Variants in SCFD2 observed in about 807,000 individuals in gnomAD.
SCFD2 encodes the protein sec1 family domain containing 2.
In SCFD2, 54 loss-of-function variants were observed where a neutral mutation model predicts 58.9. The observed-to-expected ratio is 0.92, with a 90% confidence interval of 0.74 to 1.15. The LOEUF (loss-of-function observed/expected upper bound fraction) is 1.15, where lower values mean the gene tolerates loss of function less well. SCFD2 is among the 50% of genes most tolerant of loss of function. The probability of loss-of-function intolerance (pLI) is 0.00; values close to 1 mark genes in which losing one functional copy is unlikely to be tolerated. For synonymous variants in SCFD2, 321 were observed against 335.9 expected, an observed-to-expected ratio of 0.96 and a Z score of 0.49; for missense variants, 805 against 836.6, an observed-to-expected ratio of 0.96 and a Z score of 0.47.
chr4:53,007,044 G>T (rs2148804084), intron 5 of SCFD2, among the ~76,000 whole-genome samples: 1 of 152,116 alleles, frequency 6.6e-6, no homozygotes, highest in East Asian at 1.9e-4. Flanking sequence ...ACTTTGGGAG[G>T]CCGAAGTGGG....
At chr4:53,149,941 A>G (rs906762097) in intron 4 of SCFD2, among the ~76,000 whole-genome samples, 7 of 152,236 alleles carry the variant, frequency 4.6e-5, no homozygotes, top group African/African-American at 1.7e-4. Context: ...CCTAACTACT[A>G]AATGTAATTG....
chr4:53,219,490 C>T (rs2148993453), intron 4 of SCFD2, among the ~76,000 whole-genome samples: 1 of 152,292 alleles, frequency 6.6e-6, no homozygotes, highest in Non-Finnish European at 1.5e-5. Context: ...TGGAAAAGCA[C>T]AGTATTACGG....
chr4:52,981,094 A>C (rs1413089743), intron 5 of SCFD2, among the ~76,000 whole-genome samples: 2 of 152,174 alleles, frequency 1.3e-5, no homozygotes, highest in Admixed American at 1.3e-4. Context: ...CTAATTATTT[A>C]TTATCTGCTA....
intron 5 of SCFD2, among the ~76,000 whole-genome samples, chr4:53,087,256 A>G (rs1353337549): frequency 2.0e-5 from 3 of 152,252 alleles, no homozygotes; most frequent in Non-Finnish European, 4.4e-5. Flanking sequence ...TTAGCAAAAC[A>G]CTAAAACATA....
chr4:53,210,332 A>G (rs1728569323), intron 4 of SCFD2, among the ~76,000 whole-genome samples: 1 of 152,120 alleles, frequency 6.6e-6, no homozygotes, highest in Non-Finnish European at 1.5e-5. Context: ...ATAGTTCTCA[A>G]ACTGTGGTCA....
At chr4:52,962,046 T>C (rs901700639) in intron 5 of SCFD2, among the ~76,000 whole-genome samples, 2 of 152,258 alleles carry the variant, frequency 1.3e-5, no homozygotes, top group East Asian at 3.8e-4. Context: ...ATTGAGAGGA[T>C]AGTGGTTCCA....
intron 3 of SCFD2, among the ~76,000 whole-genome samples, chr4:53,288,247 G>A (rs1198050430): frequency 6.6e-6 from 1 of 152,094 alleles, no homozygotes; most frequent in African/African-American, 2.4e-5. Context: ...AAGCCTGTGG[G>A]ACTTATAGAG....
intron 2 of SCFD2, among the ~76,000 whole-genome samples, chr4:53,323,387 T>G (rs546571180): frequency 8.5e-5 from 13 of 152,282 alleles, no homozygotes; most frequent in East Asian, 1.9e-4. Context: ...TGTTGTTGTT[T>G]TTTTGGGACA....
Position 53,365,777 on chromosome 4 carries a change from G to T in SCFD2, c.165C>A (p.His55Gln). 1.2e-6 allele frequency: 2 copies of T among 1,613,934 alleles called. No individual in the cohort carries two copies. The highest frequency in any genetic ancestry group is 1.7e-6 in the Non-Finnish European group (2 of 1,179,940). The change falls in exon 1 of 9, where the codon CAC (histidine) becomes CAA (glutamine). Residue 55 changes from histidine (H) to glutamine (Q), a missense_variant. Around this residue, in one of 3 missense-constraint regions of SCFD2, gnomAD observed 155 missense variants for 149.7 expected, o/e 1.04. Coordinates refer to ENST00000401642, the MANE Select transcript of SCFD2 (RefSeq NM_152540.4). The surrounding 1 kb of genome is among the most constrained non-coding windows in gnomAD (Gnocchi z 4.3). ...TTGCGTCGGGCTCGAACTCTCGCAG[G>T]TGACAGTCAGGACCCCCCACCGCCT... ...LLEAVGGPDCHLREFEPDAIG... is the reference protein window; with the variant it reads ...LLEAVGGPDCQLREFEPDAIG...
intron 4 of SCFD2, among the ~76,000 whole-genome samples, chr4:53,224,431 G>A (rs547826879): frequency 1.1e-4 from 17 of 149,864 alleles, no homozygotes; most frequent in African/African-American, 3.9e-4. Flanking sequence ...GCCAGTTCCC[G>A]CAGAACAATT....
chr4:53,006,439 G>A (rs1428176181), intron 5 of SCFD2, among the ~76,000 whole-genome samples: 1 of 152,188 alleles, frequency 6.6e-6, no homozygotes, highest in Non-Finnish European at 1.5e-5. Flanking sequence ...ATTGCCAATA[G>A]CAGCTATCTT....
intron 4 of SCFD2, among the ~76,000 whole-genome samples, chr4:53,235,629 A>G (rs1729575389): frequency 6.6e-6 from 1 of 152,240 alleles, no homozygotes; most frequent in African/African-American, 2.4e-5. Context: ...GAAGCCCACA[A>G]TTGAGTTTTG....
chr4:53,269,508 G>T (rs562531884), intron 4 of SCFD2, among the ~76,000 whole-genome samples: 98 of 152,156 alleles, frequency 6.4e-4, no homozygotes, highest in African/African-American at 2.2e-3. Context: ...AAGAATTGAA[G>T]AAATTATAGT....
intron 5 of SCFD2, among the ~76,000 whole-genome samples, chr4:53,089,506 T>G (rs1282936083): frequency 6.6e-6 from 1 of 152,196 alleles, no homozygotes; most frequent in Non-Finnish European, 1.5e-5. Flanking sequence ...ATTTGACAAA[T>G]AACTGAATAT....
chr4:52,896,892 G>T (rs939873760), intron 7 of SCFD2, among the ~76,000 whole-genome samples: 1 of 152,116 alleles, frequency 6.6e-6, no homozygotes, highest in Non-Finnish European at 1.5e-5. Flanking sequence ...TTGTAAGTTG[G>T]ATTCCTCGTA....
chr4:53,136,845 C>T (rs1363041472), intron 5 of SCFD2, among the ~76,000 whole-genome samples: 7 of 152,128 alleles, frequency 4.6e-5, no homozygotes, highest in Non-Finnish European at 8.8e-5. Flanking sequence ...TAGACTAATG[C>T]TAGGTACATA....
intron 3 of SCFD2, among the ~76,000 whole-genome samples, chr4:53,288,329 C>T (rs1032292779): frequency 1.3e-5 from 2 of 152,012 alleles, no homozygotes; most frequent in Non-Finnish European, 2.9e-5. Context: ...GGCATAGAAG[C>T]TTATTTGATG....
At chr4:53,152,872 ACCC>A (rs1726553010) in intron 4 of SCFD2, among the ~76,000 whole-genome samples, 1 of 152,184 alleles carries the variant, frequency 6.6e-6, no homozygotes, top group Non-Finnish European at 1.5e-5. Context: ...CAAGTCTAAA[ACCC>A]AGCAGGGCAG....
chr4:52,931,350 C>A (rs1719989554), intron 5 of SCFD2, among the ~76,000 whole-genome samples: 1 of 152,140 alleles, frequency 6.6e-6, no homozygotes, highest in Non-Finnish European at 1.5e-5. Flanking sequence ...GCCTGGGGAG[C>A]TATGCTGCAC....
Sources: gnomAD v4.1 joint callset for allele counts (sites outside exome capture counted in the v4.1 genomes callset) on GRCh38, gnomAD v4.1.1 for gene constraint, gnomAD v4.1.1 regional missense constraint, Gnocchi (gnomAD v3.1) non-coding constraint, MANE v1.5 for transcripts, NCBI Gene and HGNC (gene_info 2026-07-23, HGNC 2026-07-21) for gene names.